The following PTPRN2 variants were observed in gnomAD, a reference collection of about 807,000 sequenced individuals.
The protein encoded by PTPRN2 is receptor-type tyrosine-protein phosphatase N2.
A neutral mutation model predicts 118.8 loss-of-function variants in PTPRN2; 74 were observed. That is an observed-to-expected ratio of 0.62 (90% CI 0.52 to 0.76). PTPRN2 has a LOEUF of 0.76. PTPRN2 is among the 30% of genes least tolerant of loss of function. The pLI is 0.00. For missense variants in PTPRN2, 1,481 were observed against 1,394.4 expected (o/e 1.06, Z -0.99); for synonymous variants, 641 against 608.0 (o/e 1.05, Z -0.80).
intron 2 of PTPRN2, among the ~76,000 whole-genome samples, chr7:158,384,896 T>C (rs903290389): frequency 2.0e-5 from 3 of 152,110 alleles, no homozygotes; most frequent in African/African-American, 7.2e-5. Flanking sequence ...ATGTGGGCTA[T>C]GCGCATCAGT....
intron 1 of PTPRN2, among the ~76,000 whole-genome samples, chr7:158,579,802 T>C (rs548150424): frequency 6.6e-6 from 1 of 152,366 alleles, no homozygotes; most frequent in South Asian, 2.1e-4. Context: ...ATGTTGGCTA[T>C]TTCATAGAAT....
chr7:158,429,085 G>A (rs1321489328), intron 2 of PTPRN2, among the ~76,000 whole-genome samples: 3 of 152,184 alleles, frequency 2.0e-5, no homozygotes, highest in East Asian at 1.9e-4. Context: ...TTGCTAAACC[G>A]TAATAGTCTC....
At chr7:157,727,934 C>T (rs749512539) in intron 12 of PTPRN2, among the ~76,000 whole-genome samples, 18 of 152,190 alleles carry the variant, frequency 1.2e-4, no homozygotes, top group Non-Finnish European at 2.4e-4. Context: ...TCCATCCTTC[C>T]ACACTCAGAG....
At chr7:158,450,990 CG>C (rs969127175) in intron 2 of PTPRN2, among the ~76,000 whole-genome samples, 41 of 152,352 alleles carry the variant, frequency 2.7e-4, no homozygotes, top group African/African-American at 9.6e-4. Flanking sequence ...AGGAACTCCC[CG>C]CCCCACGTCG....
In PTPRN2 at chr7:157,997,204, G is replaced by A. The variant is rs912113048; in HGVS notation, c.1723+84094C>T. 3.9e-5 allele frequency among the ~76,000 whole-genome samples: 6 copies of A among 152,346 alleles called. No homozygotes were observed. The South Asian group carries it at 8.3e-4, about 21-fold the overall frequency. On this transcript the variant is annotated intron_variant, in intron 11 of 22. Transcript: ENST00000389418. ...CCTCCTGAGTGCCCACGTGCCCTGCGGGGCTGCCTGGCGGCTCCATTTGCT... is the reference window on the plus strand; with the variant it reads ...CCTCCTGAGTGCCCACGTGCCCTGCAGGGCTGCCTGGCGGCTCCATTTGCT...
chr7:157,649,136 G>A (rs1265297673), intron 14 of PTPRN2, among the ~76,000 whole-genome samples: 10 of 128,786 alleles, frequency 7.8e-5, no homozygotes, highest in East Asian at 3.2e-4. Flanking sequence ...CACTGAACTC[G>A]GTGGGTCGGA....
At chr7:158,490,078 G>A (rs1218029600) in intron 1 of PTPRN2, among the ~76,000 whole-genome samples, 3 of 152,162 alleles carry the variant, frequency 2.0e-5, no homozygotes, top group South Asian at 2.1e-4. Flanking sequence ...CTCTCTGGCC[G>A]CGGGAGCAGC....
At chr7:158,389,025 G>T (rs995391424) in intron 2 of PTPRN2, among the ~76,000 whole-genome samples, 1 of 152,244 alleles carries the variant, frequency 6.6e-6, no homozygotes, top group Non-Finnish European at 1.5e-5. Context: ...ATGGAGGCTT[G>T]ATTTCACCCA....
chr7:158,233,735 A>G (rs759702661), intron 3 of PTPRN2, among the ~76,000 whole-genome samples: 2 of 152,258 alleles, frequency 1.3e-5, no homozygotes, highest in Non-Finnish European at 2.9e-5. Flanking sequence ...TCAAAGCTAT[A>G]GTATCCAAAT....
intron 1 of PTPRN2, among the ~76,000 whole-genome samples, chr7:158,492,379 G>A (rs1212076489): frequency 1.3e-5 from 2 of 152,216 alleles, no homozygotes; most frequent in African/African-American, 4.8e-5. Context: ...AGATGACGGA[G>A]CTCTGCTAGG....
At chr7:158,377,795 G>T (rs1312984551) in intron 2 of PTPRN2, among the ~76,000 whole-genome samples, 1 of 152,176 alleles carries the variant, frequency 6.6e-6, no homozygotes, top group Non-Finnish European at 1.5e-5. Flanking sequence ...AATACCAAGG[G>T]ACGGGCTGCT....
At chr7:157,905,850 A>G (rs946767981) in intron 11 of PTPRN2, among the ~76,000 whole-genome samples, 13 of 152,074 alleles carry the variant, frequency 8.5e-5, no homozygotes, top group African/African-American at 2.9e-4. Context: ...AGCTTTCTGG[A>G]CGGCACCACT....
At position 158,351,195 on chromosome 7, in the gene PTPRN2, C is replaced by T. The variant is rs192487130; in HGVS notation, c.164-34263G>A. 3.9e-5 allele frequency among the ~76,000 whole-genome samples: 6 copies of T among 152,174 alleles called. No homozygotes were observed. The East Asian group carries it at 1.2e-3, about 29-fold the overall frequency. ...GCACGGGTGAGGTGCAGGAGGAACT[C>T]GTGCTACCACCTCCACCCACCCCCA... is the stretch of plus-strand genomic sequence containing the variant. On this transcript the variant is annotated intron_variant, in intron 2 of 22. Transcript: ENST00000389418.
intron 5 of PTPRN2, among the ~76,000 whole-genome samples, chr7:158,188,676 C>T (rs1168114004): frequency 2.1e-5 from 3 of 141,256 alleles, no homozygotes; most frequent in African/African-American, 8.0e-5. Flanking sequence ...GCCACGCTCG[C>T]CCCCTGTACT....
chr7:157,685,100 C>T (rs1797113264), intron 12 of PTPRN2, among the ~76,000 whole-genome samples: 2 of 152,068 alleles, frequency 1.3e-5, no homozygotes, highest in South Asian at 2.1e-4. Context: ...CCTCTCGCCT[C>T]CCGCGGGTCC....
chr7:158,566,584 T>C (rs373889867), intron 1 of PTPRN2, among the ~76,000 whole-genome samples: 1 of 152,234 alleles, frequency 6.6e-6, no homozygotes, highest in African/African-American at 2.4e-5. Flanking sequence ...ACTGAAGTCC[T>C]TTCTCAATTT....
At chr7:157,775,520 G>C (rs935535659) in intron 12 of PTPRN2, among the ~76,000 whole-genome samples, 2 of 152,242 alleles carry the variant, frequency 1.3e-5, no homozygotes, top group African/African-American at 2.4e-5. Context: ...TCGATGCCTC[G>C]AGGAGAGGAG....
chr7:157,664,964 G>A (rs1354352086), intron 13 of PTPRN2, among the ~76,000 whole-genome samples: 1 of 152,240 alleles, frequency 6.6e-6, no homozygotes, highest in Non-Finnish European at 1.5e-5. Context: ...CTCCTGGTCA[G>A]ACGGTGAACA....
chr7:158,311,003 G>T (rs56323418), intron 3 of PTPRN2, among the ~76,000 whole-genome samples: 1 of 152,204 alleles, frequency 6.6e-6, no homozygotes, highest in African/African-American at 2.4e-5. Flanking sequence ...GGTCGGGTAG[G>T]GGGTGGATCT....
Sources: allele counts gnomAD v4.1 joint callset (sites outside exome capture counted in the v4.1 genomes callset), GRCh38; gene constraint gnomAD v4.1.1; transcripts MANE v1.5; gene names NCBI Gene and HGNC (gene_info 2026-07-23, HGNC 2026-07-21).